The following EQTN variants were observed in gnomAD, a reference collection of about 807,000 sequenced individuals.
EQTN encodes equatorin, also known as Acrosome formation associated factor.
Under a neutral mutation model 26.9 loss-of-function variants are expected in EQTN, and 29 were observed. That is an observed-to-expected ratio of 1.08 (90% CI 0.80 to 1.47). The LOEUF (loss-of-function observed/expected upper bound fraction) is 1.47, where lower values mean the gene tolerates loss of function less well. Ranked by LOEUF, EQTN falls within the 40% of genes most tolerant of loss-of-function variation. The pLI, the probability that EQTN is intolerant of heterozygous loss-of-function variation, is 0.00. For missense variants in EQTN, 391 were observed against 346.1 expected, an observed-to-expected ratio of 1.13 and a Z score of -1.03; for synonymous variants, 129 against 120.0, an observed-to-expected ratio of 1.07 and a Z score of -0.49.
chr9:27,295,407 GTTAA>G (rs1820315836), intron 2 of EQTN, among the ~76,000 whole-genome samples: 2 of 152,130 alleles, frequency 1.3e-5, no homozygotes, highest in African/African-American at 4.8e-5. Flanking sequence ...TTAGAGTTTG[GTTAA>G]TTAAATATAA....
chr9:27,290,263 C>T (rs1011239890), intron 5 of EQTN, among the ~76,000 whole-genome samples: 1 of 152,130 alleles, frequency 6.6e-6, no homozygotes, highest in Non-Finnish European at 1.5e-5. Context: ...AAAAATGACA[C>T]TTATTTACAG....
Position 27,294,328 on chromosome 9 carries a change from C to T in EQTN, c.277G>A (p.Ala93Thr), listed in dbSNP as rs1820294488. Residue 93 changes from alanine to threonine, a missense_variant, in exon 3 of 8, where the codon GCT becomes ACT. By Grantham distance (58) the Ala-to-Thr change is moderately conservative. Coordinates refer to ENST00000380032, the MANE Select transcript of EQTN (RefSeq NM_020641.3). ...TTTCACTTCTTACCGTTTTTTAGAG[C>T]AAAATTCAGGTCAGTTGTGGCTCTC... ...SVRATTDLNF[A>T]LKNDKTVNAT... 2 of 1,607,908 alleles carry T rather than the reference C, an allele frequency of 1.2e-6. No homozygotes were observed. Among genetic ancestry groups the T allele is most frequent in the Admixed American group, 1.7e-5 (1 of 59,840 alleles).
rs373070172 is a variant in EQTN, at chr9:27,291,082, A to G, written c.377-19T>C. The G allele has an allele frequency of 1.8e-5, 28 of 1,597,220 alleles. No individual in the cohort carries two copies. In the African/African-American group the frequency reaches 3.6e-4, roughly 21 times the overall value. ...GTTGATCCTGTTAAAACAAAACAAA[A>G]CACAACAAGAACAACAAGAAAACAA... On this transcript the variant is annotated intron_variant, in intron 4 of 7. Transcript: ENST00000380032.
At chr9:27,295,647 C>A (rs1004486122) in intron 2 of EQTN, among the ~76,000 whole-genome samples, 6 of 151,728 alleles carry the variant, frequency 4.0e-5, no homozygotes, top group African/African-American at 1.5e-4. Flanking sequence ...TCCTGGCTAA[C>A]ACTGTGAAAC....
chr9:27,287,792 ATTTTC>A (rs1472138500), intron 6 of EQTN, among the ~76,000 whole-genome samples: 2 of 152,024 alleles, frequency 1.3e-5, no homozygotes, highest in Admixed American at 6.6e-5. Flanking sequence ...GGATCACTCA[ATTTTC>A]TTTTCTTTTC....
chr9:27,291,474 C>T (rs145354380), intron 4 of EQTN, among the ~76,000 whole-genome samples: 32 of 152,278 alleles, frequency 2.1e-4, no homozygotes, highest in African/African-American at 7.5e-4. Flanking sequence ...CGTGAGCAAA[C>T]GCACAATCGT....
chr9:27,286,478 G>C (rs1232924129), intron 6 of EQTN, 116 bp from the exon 7 acceptor site: 120 of 1,005,066 alleles, frequency 1.2e-4, no homozygotes, highest in Non-Finnish European at 1.0e-5. Flanking sequence ...AGTATTAACT[G>C]GCCGGTCTCC....
In EQTN at chr9:27,294,303, T is replaced by C. The variant is rs995563027; in HGVS notation, c.289+13A>G. 6.3e-7 allele frequency: 1 copy of C among 1,598,100 alleles called. No individual in the cohort carries two copies. ...TGGCTTTTACATGTGCAATGGTGCC[T>C]TTCACTTCTTACCGTTTTTTAGAGC... On this transcript the variant is annotated intron_variant, in intron 3 of 7. Coordinates refer to ENST00000380032, the MANE Select transcript of EQTN (RefSeq NM_020641.3).
At chr9:27,295,829 CT>C (rs1238928250) in intron 2 of EQTN, among the ~76,000 whole-genome samples, 39 of 24,164 alleles carry the variant, frequency 1.6e-3, no homozygotes, top group Admixed American at 6.9e-3. Context: ...GAGACTCCGT[CT>C]CAAAAAAAAA....
rs529195747 is a variant in EQTN, at chr9:27,288,201, C to A, written c.481+1471G>T. Among the ~76,000 whole-genome samples the A allele has an allele frequency of 4.6e-5, 7 of 152,250 alleles. No individual in the cohort carries two copies. The South Asian group carries it at 6.2e-4, about 14-fold the overall frequency. ...ATATATCATCATGCTATTTTTCAACCATTTATTTGTAGGACAGAGGTTTTT... is the reference window on the plus strand; with the variant it reads ...ATATATCATCATGCTATTTTTCAACAATTTATTTGTAGGACAGAGGTTTTT... On this transcript the variant is annotated intron_variant, in intron 6 of 7. Coordinates refer to ENST00000380032, the MANE Select transcript of EQTN (RefSeq NM_020641.3).
In EQTN at chr9:27,291,053, T is replaced by A; in HGVS notation, c.387A>T (p.Pro129=). ...ACATTGTCCAAAATGCAGGCACGTT[T>A]GGGGTTGATCCTGTTAAAACAAAAC... ...PSHKNIQRST[P]NVPAFWTMLA... The change falls in exon 5 of 8, where the codon CCA becomes CCT. Residue 129 remains proline (P), a synonymous_variant. Transcript: ENST00000380032. 1 of 1,611,752 alleles carries A rather than the reference T, an allele frequency of 6.2e-7. No homozygotes were observed. The highest frequency in any genetic ancestry group is 8.5e-7 in the Non-Finnish European group (1 of 1,179,088).
chr9:27,285,073 C>A, intron 7 of EQTN, 101 bp from the exon 8 acceptor site: 7 of 1,018,168 alleles, frequency 6.9e-6, no homozygotes, highest in Non-Finnish European at 9.7e-6. Context: ...CGAATTTTGC[C>A]CAAAGTGTTA....
At chr9:27,296,812 T>C in intron 1 of EQTN, 74 bp from the exon 2 acceptor site, 1 of 1,574,642 alleles carries the variant, frequency 6.4e-7, no homozygotes, top group Non-Finnish European at 8.6e-7. Flanking sequence ...TCTAACTGCA[T>C]TTTTTTCACA....
chr9:27,293,030 G>C (rs16911340), intron 3 of EQTN, among the ~76,000 whole-genome samples: 3,272 of 152,252 alleles, frequency 0.021, 111 homozygotes, highest in African/African-American at 0.074. Flanking sequence ...GTCACTAAGG[G>C]AGTGTTTGGT....
At chr9:27,285,133 C>CTTTTTTTTTTTTTTTTTTTTTTTTTT (rs201723057) in intron 7 of EQTN, among the ~76,000 whole-genome samples, 161 bp from the exon 8 acceptor site, 1 of 77,082 alleles carries the variant, frequency 1.3e-5, no homozygotes, top group Non-Finnish European at 2.3e-5. Flanking sequence ...TTTTCTTTTC[C>CTTTTTTTTTTTTTTTTTTTTTTTTTT]TTTTTTTTTT....
At position 27,296,619 on chromosome 9, in the gene EQTN, T is replaced by G; in HGVS notation, c.196A>C (p.Lys66Gln). Residue 66 changes from lysine to glutamine, a missense_variant, in exon 2 of 8, where the codon AAA becomes CAA. By Grantham distance (53) the Lys-to-Gln change is moderately conservative. Coordinates refer to ENST00000380032, the MANE Select transcript of EQTN (RefSeq NM_020641.3). ...EKNGNYYKDI[K>Q]QYVFTTQNPN... is the part of the protein sequence containing the mutation. ...ATTCACTTTAAAGACTTACATTGTT[T>G]TATATCTTTATAATAATTGCCATTT... 6.6e-7 allele frequency: 1 copy of G among 1,515,620 alleles called. No homozygotes were observed. The highest frequency in any genetic ancestry group is 1.8e-5 in the Admixed American group (1 of 56,450). 93.9% of individuals were successfully genotyped at this position (1,515,620 alleles called of 1,614,324 possible).
chr9:27,289,583 CAA>C, intron 6 of EQTN, 87 bp downstream of exon 6: 1 of 1,104,442 alleles, frequency 9.1e-7, no homozygotes, highest in Non-Finnish European at 1.3e-6. Context: ...CTCCTGGACT[CAA>C]GCGATCCACC....
chr9:27,292,947 G>A (rs1333568249), intron 3 of EQTN, among the ~76,000 whole-genome samples: 3 of 152,110 alleles, frequency 2.0e-5, no homozygotes, highest in Non-Finnish European at 4.4e-5. Flanking sequence ...TAAAGATTTT[G>A]GACTACAAAT....
intron 6 of EQTN, among the ~76,000 whole-genome samples, chr9:27,289,013 A>G (rs1820174124): frequency 1.3e-5 from 2 of 152,234 alleles, no homozygotes; most frequent in Admixed American, 1.3e-4. Context: ...TATGGACTTC[A>G]ATTAATAATG....
Sources: allele counts gnomAD v4.1 joint callset (sites outside exome capture counted in the v4.1 genomes callset), GRCh38; gene constraint gnomAD v4.1.1; transcripts MANE v1.5; gene names NCBI Gene and HGNC (gene_info 2026-07-23, HGNC 2026-07-21).